The following PRELID3B variants were observed in gnomAD, a reference collection of about 807,000 sequenced individuals.
PRELID3B encodes PRELI domain containing protein 3B.
A neutral mutation model predicts 24.0 loss-of-function variants in PRELID3B; 15 were observed. That is an observed-to-expected ratio of 0.63 (90% CI 0.42 to 0.96). PRELID3B has a LOEUF of 0.96. Ranked by LOEUF, PRELID3B falls within the 40% of genes least tolerant of loss-of-function variation. The probability of loss-of-function intolerance (pLI) is 0.00; values close to 1 mark genes in which losing one functional copy is unlikely to be tolerated. For synonymous variants in PRELID3B, 62 were observed against 76.0 expected (o/e 0.82, Z 0.96); for missense variants, 189 against 236.0 (o/e 0.80, Z 1.30).
rs749472404 is a variant in PRELID3B, at chr20:59,038,593, T to G, written c.74A>C (p.Tyr25Ser). ...CACACTTGGGTTCATAGGGTTTGGG[T>G]ATTTCTGCATTGCAGCTGTTGTAAC... ...ETVTTAAMQK[Y>S]PNPMNPSVVG... is the part of the protein sequence containing the mutation. Residue 25 changes from tyrosine to serine, a missense_variant, in exon 2 of 6, where the codon TAC (tyrosine) becomes TCC (serine). Transcript: ENST00000355937. 6.2e-7 allele frequency: 1 copy of G among 1,612,246 alleles called. No homozygotes were observed. Among genetic ancestry groups the G allele is most frequent in the East Asian group, 2.2e-5 (1 of 44,842 alleles).
chr20:59,035,868 A>T (rs1208985969), intron 5 of PRELID3B, among the ~76,000 whole-genome samples: 1 of 152,210 alleles, frequency 6.6e-6, no homozygotes, highest in Non-Finnish European at 1.5e-5. Flanking sequence ...ATCTCTTGAT[A>T]ACCACATTCA....
At chr20:59,039,006 C>T (rs2092094006) in intron 1 of PRELID3B, among the ~76,000 whole-genome samples, 1 of 152,170 alleles carries the variant, frequency 6.6e-6, no homozygotes, top group Non-Finnish European at 1.5e-5. Flanking sequence ...CCAAAAGTAT[C>T]ATTATGCCAT....
At chr20:59,037,162 A>C in intron 3 of PRELID3B, 29 bp downstream of exon 3, 1 of 1,547,538 alleles carries the variant, frequency 6.5e-7, no homozygotes, top group Non-Finnish European at 8.9e-7. Context: ...AGACAGTTCG[A>C]AATGAAACAA....
At chr20:59,036,380 T>G in intron 5 of PRELID3B, 91 bp downstream of exon 5, 1 of 963,090 alleles carries the variant, frequency 1.0e-6, no homozygotes, top group Non-Finnish European at 1.7e-6. Context: ...TGGGCAAGGG[T>G]CAGCTTACAA....
At chr20:59,038,145 T>G in intron 2 of PRELID3B, 1 of 220,902 alleles carries the variant, frequency 4.5e-6, no homozygotes, top group Non-Finnish European at 8.9e-6. Context: ...CACCTAACAA[T>G]TATGACCAGA....
chr20:59,036,786 G>T, intron 3 of PRELID3B, 26 bp from the exon 4 acceptor site: 1 of 1,293,344 alleles, frequency 7.7e-7, no homozygotes, highest in African/African-American at 1.5e-5. Context: ...AAAAAAAAAA[G>T]ATCAAATCAT....
intron 3 of PRELID3B, among the ~76,000 whole-genome samples, 174 bp downstream of exon 3, chr20:59,037,011 GCAAGAT>G (rs1417661550): frequency 1.3e-5 from 2 of 152,156 alleles, no homozygotes; most frequent in African/African-American, 4.8e-5. Flanking sequence ...TTAGAGATAG[GCAAGAT>G]CATGAGAGCA....
intron 1 of PRELID3B, among the ~76,000 whole-genome samples, chr20:59,041,523 G>C (rs1291632705): frequency 6.6e-6 from 1 of 152,104 alleles, no homozygotes; most frequent in Admixed American, 6.5e-5. Context: ...TGACCAGGGC[G>C]AATCACTTTG....
At chr20:59,042,593 GCTAGGCC>G in intron 1 of PRELID3B, 99 bp downstream of exon 1, 1 of 1,241,900 alleles carries the variant, frequency 8.1e-7, no homozygotes, top group Non-Finnish European at 1.1e-6. Flanking sequence ...CGCTCCCCTC[GCTAGGCC>G]CGACGCCTAG....
In PRELID3B at chr20:59,034,905, AAAAAC is replaced by A; in HGVS notation, c.*97_*101del. On this transcript the variant is annotated 3_prime_UTR_variant, in exon 6 of 6. Transcript: ENST00000355937. ...ACCAACTTATCAAAAAAAAAAAAAA[AAAAAC>A]TACCCAAAATATAGTTGTATTTTTA... 1 of 1,175,796 alleles carries A rather than the reference AAAAAC, an allele frequency of 8.5e-7. No homozygotes were observed. The highest frequency in any genetic ancestry group is 1.5e-5 in the African/African-American group (1 of 64,796). 72.8% of individuals were successfully genotyped at this position (1,175,796 alleles called of 1,614,324 possible).
At position 59,039,168 on chromosome 20, in the gene PRELID3B, A is replaced by G. The variant is rs555053133; in HGVS notation, c.33-534T>C. Among the ~76,000 whole-genome samples, 46 of 152,376 alleles carry G rather than the reference A, an allele frequency of 3.0e-4. 1 individual carries two copies. The highest frequency in any genetic ancestry group is 1.0e-3 in the African/African-American group (43 of 41,588). On this transcript the variant is annotated intron_variant, in intron 1 of 5. Coordinates refer to ENST00000355937, the MANE Select transcript of PRELID3B (RefSeq NM_016045.3). ...CTTTCCCTTCATTTTAATGTAATAC[A>G]TAACAATGGCTCCTCCAGTCAATCT...
At chr20:59,037,166 G>T in intron 3 of PRELID3B, 25 bp downstream of exon 3, 2 of 1,562,472 alleles carry the variant, frequency 1.3e-6, no homozygotes, top group South Asian at 1.1e-5. Flanking sequence ...AGTTCGAAAT[G>T]AAACAAAAGG....
Position 59,033,261 on chromosome 20 carries a change from C to T in PRELID3B, c.*1746G>A, listed in dbSNP as rs1313842824. Reference sequence around the variant, plus strand: ...TATTCCAGTTTAGTTCTCTTAAATTCATTTGCTTGTTGTGCATTTATGTTT... The same window carrying T: ...TATTCCAGTTTAGTTCTCTTAAATTTATTTGCTTGTTGTGCATTTATGTTT... On this transcript the variant is annotated 3_prime_UTR_variant, in exon 6 of 6. Coordinates refer to ENST00000355937, the MANE Select transcript of PRELID3B (RefSeq NM_016045.3). 6.6e-6 allele frequency: 1 copy of T among 152,128 alleles called. No homozygotes were observed. The highest frequency in any genetic ancestry group is 1.5e-5 in the Non-Finnish European group (1 of 68,020). 9.4% of individuals were successfully genotyped at this position (152,128 alleles called of 1,614,324 possible). A position where few individuals can be genotyped will look rare whatever the true frequency, so the allele number is the denominator to read the frequency against.
At chr20:59,037,075 A>T in intron 3 of PRELID3B, 116 bp downstream of exon 3, 1 of 780,642 alleles carries the variant, frequency 1.3e-6, no homozygotes. Flanking sequence ...CCAGCACATA[A>T]GCAGGGATTC....
At chr20:59,035,187 A>G (rs1040640238) in intron 5 of PRELID3B, 61 bp from the exon 6 acceptor site, 16 of 1,484,208 alleles carry the variant, frequency 1.1e-5, no homozygotes, top group Non-Finnish European at 1.4e-5. Flanking sequence ...ATATCGAACT[A>G]ATGACACACC....
At position 59,036,703 on chromosome 20, in the gene PRELID3B, G is replaced by A; in HGVS notation, c.349C>T (p.Gln117Ter). ...DERLIYKPHP[Q>*]DPEKTVLTQE... ...TTTTTTACTCACTTTTCTGGATCCT[G>A]AGGATGTGGTTTGTATATAAGTCTC... The change falls in exon 4 of 6, where the codon CAG (glutamine) becomes TAG (stop). Residue 117 changes from glutamine to a stop codon, truncating the protein, a stop_gained. Transcript: ENST00000355937. LOFTEE classifies it high-confidence loss of function. The A allele has an allele frequency of 6.2e-7, 1 of 1,602,542 alleles. No individual in the cohort carries two copies. Among genetic ancestry groups the A allele is most frequent in the East Asian group, 2.2e-5 (1 of 44,778 alleles).
At chr20:59,039,543 C>T (rs560061310) in intron 1 of PRELID3B, among the ~76,000 whole-genome samples, 13 of 152,332 alleles carry the variant, frequency 8.5e-5, no homozygotes, top group African/African-American at 3.1e-4. Flanking sequence ...GTGACTTAGT[C>T]CACCTGCAGT....
chr20:59,039,080 AT>A (rs1406103884), intron 1 of PRELID3B, among the ~76,000 whole-genome samples: 1 of 152,266 alleles, frequency 6.6e-6, no homozygotes, highest in Non-Finnish European at 1.5e-5. Context: ...AAAAGAGTTT[AT>A]GGGCACTATA....
At chr20:59,037,511 A>G (rs2092082207) in intron 2 of PRELID3B, among the ~76,000 whole-genome samples, 1 of 152,236 alleles carries the variant, frequency 6.6e-6, no homozygotes, top group African/African-American at 2.4e-5. Flanking sequence ...AAACCAGCCC[A>G]CTGAGAACGT....
Sources: allele counts gnomAD v4.1 joint callset (sites outside exome capture counted in the v4.1 genomes callset), GRCh38; gene constraint gnomAD v4.1.1; transcripts MANE v1.5; gene names NCBI Gene and HGNC (gene_info 2026-07-23, HGNC 2026-07-21).